The following LGALS12 variants were observed in gnomAD, a reference collection of about 807,000 sequenced individuals.
LGALS12 encodes galectin-12.
In LGALS12, 36 loss-of-function variants were observed where a neutral mutation model predicts 36.8. The ratio of observed to expected loss-of-function variants is 0.98; its 90% CI spans 0.75 to 1.29. LGALS12 has a LOEUF of 1.29. Ranked by LOEUF, LGALS12 falls within the 50% of genes most tolerant of loss-of-function variation. The pLI, the probability that LGALS12 is intolerant of heterozygous loss-of-function variation, is 0.00. For synonymous variants in LGALS12, 145 were observed against 155.9 expected (o/e 0.93, Z 0.52); for missense variants, 366 against 394.3 (o/e 0.93, Z 0.61).
At chr11:63,507,958 G>A (rs1030020463) in intron 1 of LGALS12, 14 of 892,666 alleles carry the variant, frequency 1.6e-5, no homozygotes, top group East Asian at 2.4e-4. Context: ...AGCTGGTCTC[G>A]AACTCCTGAC....
At position 63,506,196 on chromosome 11, in the gene LGALS12, G is replaced by C; in HGVS notation, c.-263G>C. 1 of 598,242 alleles carries C rather than the reference G, an allele frequency of 1.7e-6. No individual in the cohort carries two copies. 37.1% of individuals were successfully genotyped at this position (598,242 alleles called of 1,614,324 possible). On this transcript the variant is annotated 5_prime_UTR_variant, in exon 1 of 9. Transcript: ENST00000394618. The stretch of plus-strand genomic sequence containing the variant: ...GGTTAATGCCAGTCTTCCTCCCCTG[G>C]ACACTGAGTTCTGCTGACAGCCCCC...
Position 63,508,831 on chromosome 11 carries a change from CCTTCCACTTCAACCCTCG to C in LGALS12, c.219_236del (p.Phe74_His79del). On this transcript the variant is annotated inframe_deletion, in exon 3 of 9. Transcript: ENST00000394618. ...AGCCTGTGTCCCCGGCCAGATATCG[CCTTCCACTTCAACCCTCG>C]CTTCCATACCACCAAGCCCCATGTC... The C allele has an allele frequency of 6.2e-7, 1 of 1,614,248 alleles. No homozygotes were observed. The highest frequency in any genetic ancestry group is 8.5e-7 in the Non-Finnish European group (1 of 1,180,040).
At chr11:63,508,446 G>C in intron 1 of LGALS12, 107 bp from the exon 2 acceptor site, 2 of 1,501,706 alleles carry the variant, frequency 1.3e-6, no homozygotes, top group Non-Finnish European at 1.8e-6. Context: ...TCTGTTTGGA[G>C]AGGAAAAGTT....
At position 63,508,411 on chromosome 11, in the gene LGALS12, A is replaced by G. The variant is rs1055827355; in HGVS notation, c.70-142A>G. 8 of 1,460,074 alleles carry G rather than the reference A, an allele frequency of 5.5e-6. No homozygotes were observed. In the East Asian group the frequency reaches 1.5e-4, roughly 27 times the overall value. The allele number at this position is 1,460,074 out of a possible 1,614,324, so 90.4% of individuals were successfully genotyped here. A position where few individuals can be genotyped will look rare whatever the true frequency, so the allele number is the denominator to read the frequency against. On this transcript the variant is annotated intron_variant, in intron 1 of 8. Transcript: ENST00000394618. ...GGTGGAAGAAAATATTTCAGTGAAC[A>G]CTGATTTTTACCTATAAGGAATTTT...
intron 7 of LGALS12, among the ~76,000 whole-genome samples, chr11:63,514,436 G>A (rs750779485): frequency 9.2e-5 from 14 of 152,090 alleles, no homozygotes; most frequent in South Asian, 4.1e-4. Flanking sequence ...TGGGCGGTGC[G>A]GGCATGCGCC....
chr11:63,508,487 G>A lies in LGALS12; in HGVS notation c.70-66G>A, dbSNP rs143717054. 1.7e-5 allele frequency: 27 copies of A among 1,595,208 alleles called. No individual in the cohort carries two copies. In the African/African-American group the frequency reaches 2.0e-4, roughly 12 times the overall value. ...TTATTCTGCTCCTTTCCTCCCACTC[G>A]CCTGACATAGAGGTCCCTAAGCCCT... is the stretch of plus-strand genomic sequence containing the variant. On this transcript the variant is annotated intron_variant, in intron 1 of 8. Coordinates refer to ENST00000394618, the MANE Select transcript of LGALS12 (RefSeq NM_033101.4).
Position 63,516,450 on chromosome 11 carries a change from C to T in LGALS12, c.*57C>T, listed in dbSNP as rs2134341088. 3.1e-6 allele frequency: 5 copies of T among 1,594,490 alleles called. No individual in the cohort carries two copies. The South Asian group carries it at 4.4e-5, about 14-fold the overall frequency. On this transcript the variant is annotated 3_prime_UTR_variant, in exon 9 of 9. Transcript: ENST00000394618. ...AAGAAGGTCAGCCCACTCCCAGGGC[C>T]CCACTCTCCTCCCCTCATTAAACCA...
At chr11:63,511,496 A>G (rs1249033818) in intron 6 of LGALS12, among the ~76,000 whole-genome samples, 1 of 152,156 alleles carries the variant, frequency 6.6e-6, no homozygotes, top group African/African-American at 2.4e-5. Flanking sequence ...TGGCAATTAC[A>G]GTTAAGGATG....
chr11:63,516,481 C>A lies in LGALS12; in HGVS notation c.*88C>A. 1.4e-6 allele frequency: 2 copies of A among 1,461,032 alleles called. No homozygotes were observed. Among genetic ancestry groups the A allele is most frequent in the South Asian group, 1.2e-5 (1 of 86,348 alleles). 90.5% of individuals were successfully genotyped at this position (1,461,032 alleles called of 1,614,324 possible). A position where few individuals can be genotyped will look rare whatever the true frequency, so the allele number is the denominator to read the frequency against. On this transcript the variant is annotated 3_prime_UTR_variant, in exon 9 of 9. Transcript: ENST00000394618. Reference sequence around the variant, plus strand: ...CTCCTCCCCTCATTAAACCATCCACCTGACACCAGCACATCAGGCCTGGTT... The same window carrying A: ...CTCCTCCCCTCATTAAACCATCCACATGACACCAGCACATCAGGCCTGGTT...
chr11:63,515,426 C>T, intron 7 of LGALS12, 137 bp from the exon 8 acceptor site: 1 of 902,818 alleles, frequency 1.1e-6, no homozygotes, highest in Non-Finnish European at 1.7e-6. Context: ...TGTCATAGGC[C>T]CTCAGTGCTT....
At chr11:63,510,004 G>A (rs758030971) in intron 4 of LGALS12, 107 bp downstream of exon 4, 158 of 1,355,800 alleles carry the variant, frequency 1.2e-4, no homozygotes, top group Admixed American at 4.7e-4. Context: ...GAGAGAGGAC[G>A]CCCTGTGCAC....
In LGALS12 at chr11:63,511,087, G is replaced by T; in HGVS notation, c.540G>T (p.Leu180=). The T allele has an allele frequency of 1.2e-6, 2 of 1,613,688 alleles. No homozygotes were observed. Among genetic ancestry groups the T allele is most frequent in the Non-Finnish European group, 8.5e-7 (1 of 1,179,986 alleles). ...SREYPAGHPF[L]LMSPRLEVPC... ...CTTTCTTTCCCTGACAGCCTTTCCT[G>T]CTGATGAGCCCCAGGCTGGTGAGTG... is the stretch of plus-strand genomic sequence containing the variant. The change falls in exon 6 of 9, where the codon CTG becomes CTT. Residue 180 remains leucine, a synonymous_variant. Coordinates refer to ENST00000394618, the MANE Select transcript of LGALS12 (RefSeq NM_033101.4).
At position 63,509,129 on chromosome 11, in the gene LGALS12, G is replaced by A. The variant is rs1448694179; in HGVS notation, c.372+138G>A. On this transcript the variant is annotated intron_variant, in intron 3 of 8. Coordinates refer to ENST00000394618, the MANE Select transcript of LGALS12 (RefSeq NM_033101.4). ...ACCAAGAGGACCAAGGAGCTGCCAT[G>A]CCCGGTTCCAGGCTGCCCTGGGCCC... 5 of 735,948 alleles carry A rather than the reference G, an allele frequency of 6.8e-6. No homozygotes were observed. In the South Asian group the frequency reaches 8.9e-5, roughly 13 times the overall value. 45.6% of individuals were successfully genotyped at this position (735,948 alleles called of 1,614,324 possible). A position where few individuals can be genotyped will look rare whatever the true frequency, so the allele number is the denominator to read the frequency against.
Position 63,509,778 on chromosome 11 carries a change from GT to G in LGALS12, c.374del (p.Val125GlyfsTer3). On this transcript the variant is annotated frameshift_variant and splice_region_variant, in exon 4 of 9. Transcript: ENST00000394618. LOFTEE classifies it high-confidence loss of function. Reference sequence around the variant, plus strand: ...AGCCAGCCTCTGTCTGTCTCTCCAGGTGAGTGTGAATGGACAGCACTTTCTC... The same window carrying G: ...AGCCAGCCTCTGTCTGTCTCTCCAGGGAGTGTGAATGGACAGCACTTTCTC... The part of the protein sequence containing the change: ...LFLFGNEEVK[V>X]SVNGQHFLHF... 6.2e-7 allele frequency: 1 copy of G among 1,614,102 alleles called. No homozygotes were observed. Among genetic ancestry groups the G allele is most frequent in the Non-Finnish European group, 8.5e-7 (1 of 1,179,960 alleles).
In LGALS12 at chr11:63,506,375, GGACCC is replaced by G; in HGVS notation, c.-83_-79del. ...CTGGGAGAGCTGCTCCAGGCATTTA[GGACCC>G]TGACTGGGGCAGATGAGTCAGCCCA... On this transcript the variant is annotated 5_prime_UTR_variant, in exon 1 of 9. Transcript: ENST00000394618. The G allele has an allele frequency of 1.2e-6, 2 of 1,614,066 alleles. No individual in the cohort carries two copies. The highest frequency in any genetic ancestry group is 1.7e-6 in the Non-Finnish European group (2 of 1,179,954).
intron 1 of LGALS12, 164 bp from the exon 2 acceptor site, chr11:63,508,389 G>A (rs2016805116): frequency 6.9e-7 from 1 of 1,448,070 alleles, no homozygotes; most frequent in Non-Finnish European, 9.0e-7. Flanking sequence ...GGGATTAGGT[G>A]GAAGAAAATA....
chr11:63,516,613 G>A lies in LGALS12; in HGVS notation c.*220G>A. The A allele has an allele frequency of 1.7e-6, 1 of 589,282 alleles. No homozygotes were observed. The highest frequency in any genetic ancestry group is 2.0e-5 in the South Asian group (1 of 50,038). 36.5% of individuals were successfully genotyped at this position (589,282 alleles called of 1,614,324 possible). A position where few individuals can be genotyped will look rare whatever the true frequency, so the allele number is the denominator to read the frequency against. On this transcript the variant is annotated 3_prime_UTR_variant, in exon 9 of 9. Transcript: ENST00000394618. ...TGCACCTTCCTCCACCAGGAGCCTG[G>A]GATATGGCTCCATCTGCCTTCAGGG...
At position 63,511,111 on chromosome 11, in the gene LGALS12, T is replaced by C. The variant is rs1267750157; in HGVS notation, c.558+6T>C. ...TGCTGATGAGCCCCAGGCTGGTGAG[T>C]GAACCTCCCTCCTGCTCTGTCAGGG... On this transcript the variant is annotated splice_donor_region_variant and intron_variant, in intron 6 of 8. Transcript: ENST00000394618. The C allele has an allele frequency of 6.2e-7, 1 of 1,612,992 alleles. No individual in the cohort carries two copies. Among genetic ancestry groups the C allele is most frequent in the Non-Finnish European group, 8.5e-7 (1 of 1,179,816 alleles).
rs979946225 is a variant in LGALS12, at chr11:63,506,191, C to T, written c.-268C>T. ...TAGTTGGTTAATGCCAGTCTTCCTC[C>T]CCTGGACACTGAGTTCTGCTGACAG... is the stretch of plus-strand genomic sequence containing the variant. On this transcript the variant is annotated 5_prime_UTR_variant, in exon 1 of 9. Transcript: ENST00000394618. 1 of 592,162 alleles carries T rather than the reference C, an allele frequency of 1.7e-6. No homozygotes were observed. 36.7% of individuals were successfully genotyped at this position (592,162 alleles called of 1,614,324 possible).
Sources: allele counts gnomAD v4.1 joint callset (sites outside exome capture counted in the v4.1 genomes callset), GRCh38; gene constraint gnomAD v4.1.1; transcripts MANE v1.5; gene names NCBI Gene and HGNC (gene_info 2026-07-23, HGNC 2026-07-21).